Variants in SPDYE18 observed in about 807,000 individuals in gnomAD.
The protein encoded by SPDYE18 is speedy protein E18.
In SPDYE18, 6 loss-of-function variants were observed where a neutral mutation model predicts 44.9. The ratio of observed to expected loss-of-function variants is 0.13; its 90% CI spans 0.07 to 0.26. SPDYE18 has a LOEUF of 0.26. Among genes scored for constraint, SPDYE18 ranks in the 10% least tolerant of loss-of-function variants. The pLI is 1.00. For synonymous variants in SPDYE18, 35 were observed against 177.1 expected (o/e 0.20, Z 6.37); for missense variants, 121 against 463.2 (o/e 0.26, Z 6.78).
rs544270677 is a variant in SPDYE18, at chr7:77,053,075, A to C, written c.884T>G (p.Leu295Trp). 8 of 1,614,144 alleles carry C rather than the reference A, an allele frequency of 5.0e-6. No homozygotes were observed. Among genetic ancestry groups the C allele is most frequent in the Non-Finnish European group, 6.8e-6 (8 of 1,180,062 alleles). The change falls in exon 7 of 9, where the codon TTG (leucine) becomes TGG (tryptophan). Residue 295 changes from leucine to tryptophan, a missense_variant. Leu to Trp is a moderately conservative substitution (Grantham distance 61, BLOSUM62 -2). Transcript: ENST00000510091. ...GCGGTTCTTCCTGGCCCTCGGGTTC[A>C]AGCAACGGCATAACTGGAACCGACG... ...RNRRFQLCRC[L>W]NPRARKNRSQ...
chr7:77,060,466 C>G lies in SPDYE18; in HGVS notation c.47G>C (p.Gly16Ala). The G allele has an allele frequency of 6.5e-7, 1 of 1,535,224 alleles. No homozygotes were observed. Among genetic ancestry groups the G allele is most frequent in the South Asian group, 1.2e-5 (1 of 83,954 alleles). The change falls in exon 2 of 9, where the codon GGA becomes GCA. Residue 16 changes from glycine to alanine, a missense_variant. Gly to Ala is a moderately conservative substitution (Grantham distance 60). Transcript: ENST00000510091. The stretch of plus-strand genomic sequence containing the variant: ...CGGTTGACGGCTGGTCGTGATCTTT[C>G]CCGTAATCTGTCCCCTCTTACGGAA... Reference protein sequence around the residue: ...TRFRKRGQITGKITTSRQPHP... With the variant: ...TRFRKRGQITAKITTSRQPHP...
In SPDYE18 at chr7:77,051,454, G is replaced by A. The variant is rs934400312; in HGVS notation, c.*471C>T. 1.3e-5 allele frequency among the ~76,000 whole-genome samples: 2 copies of A among 152,282 alleles called. No individual in the cohort carries two copies. Among genetic ancestry groups the A allele is most frequent in the Non-Finnish European group, 2.9e-5 (2 of 68,050 alleles). ...ATGCAGAGTGTGCATGAAGCTATCT[G>A]TTACAATCTGTGGCACTGATATTTC... On this transcript the variant is annotated 3_prime_UTR_variant, in exon 9 of 9. Transcript: ENST00000510091.
chr7:77,061,073 T>C, intron 1 of SPDYE18, among the ~76,000 whole-genome samples, 140 bp from the exon 2 acceptor site: 1 of 100,796 alleles, frequency 9.9e-6, no homozygotes, highest in Admixed American at 1.1e-4. Flanking sequence ...AGTGAGATTA[T>C]CATGTACAAG....
intron 6 of SPDYE18, among the ~76,000 whole-genome samples, chr7:77,054,308 C>T (rs1583975035): frequency 1.3e-5 from 2 of 148,320 alleles, no homozygotes; most frequent in African/African-American, 2.5e-5. Context: ...GCAGTGAAGC[C>T]GAGCCAGGAA....
Position 77,060,408 on chromosome 7 carries a change from G to A in SPDYE18, c.105C>T (p.Ser35=). 6.5e-6 allele frequency: 10 copies of A among 1,535,562 alleles called. No homozygotes were observed. Among genetic ancestry groups the A allele is most frequent in the Non-Finnish European group, 8.7e-6 (10 of 1,146,916 alleles). The change falls in exon 2 of 9, where the codon AGC becomes AGT. Residue 35 remains serine (S), a synonymous_variant. Coordinates refer to ENST00000510091, the MANE Select transcript of SPDYE18 (RefSeq NM_001394953.1). Reference sequence around the variant, plus strand: ...CCTCCTGGAGGGGGTACCCCGAGGTGCTCCGCTGGAGACTCTGCTCATTCT... The same window carrying A: ...CCTCCTGGAGGGGGTACCCCGAGGTACTCCGCTGGAGACTCTGCTCATTCT... ...HPQNEQSLQR[S]TSGYPLQEVV...
At chr7:77,052,213 T>G (rs1207702305) in intron 8 of SPDYE18, among the ~76,000 whole-genome samples, 20 of 149,856 alleles carry the variant, frequency 1.3e-4, no homozygotes, top group Non-Finnish European at 4.4e-5. Context: ...TTGTGTCACT[T>G]AAGATCTAAA....
chr7:77,054,562 C>T (rs1465243584), intron 6 of SPDYE18, among the ~76,000 whole-genome samples: 2 of 151,918 alleles, frequency 1.3e-5, no homozygotes, highest in African/African-American at 4.8e-5. Context: ...GAACTGTGGC[C>T]TCTGTCATGG....
intron 8 of SPDYE18, among the ~76,000 whole-genome samples, chr7:77,052,142 G>T (rs374211346): frequency 0.011 from 1,497 of 137,408 alleles, 1 homozygote; most frequent in African/African-American, 0.041. Flanking sequence ...GGGTGGGTCT[G>T]CCCAGGGAGT....
At chr7:77,057,212 T>TC (rs1789938825) in intron 4 of SPDYE18, among the ~76,000 whole-genome samples, 1 of 152,258 alleles carries the variant, frequency 6.6e-6, no homozygotes. Context: ...TGTCTCAGCC[T>TC]CCCGAGTAGC....
rs1427282745 is a variant in SPDYE18, at chr7:77,053,170, C to T, written c.789G>A (p.Glu263=). 1.1e-5 allele frequency: 17 copies of T among 1,613,726 alleles called. No homozygotes were observed. The highest frequency in any genetic ancestry group is 2.2e-5 in the South Asian group (2 of 91,076). The change falls in exon 7 of 9, where the codon GAG becomes GAA. Residue 263 remains glutamate, a synonymous_variant. Coordinates refer to ENST00000510091, the MANE Select transcript of SPDYE18 (RefSeq NM_001394953.1). The stretch of plus-strand genomic sequence containing the variant: ...AGTAGAAGATGTTTTGTTTGGGGTC[C>T]TCGTCGTCCTCCTCCATGTCATTGG... ...YLANDMEEDD[E]DPKQNIFYFL... is the part of the protein sequence containing the mutation.
intron 2 of SPDYE18, 23 bp downstream of exon 2, chr7:77,060,330 T>A: frequency 2.6e-6 from 4 of 1,535,034 alleles, no homozygotes; most frequent in Non-Finnish European, 2.6e-6. Flanking sequence ...CTATCCCACC[T>A]CTTCTTCCAC....
intron 6 of SPDYE18, among the ~76,000 whole-genome samples, chr7:77,053,504 A>G (rs1421648137): frequency 6.6e-6 from 1 of 152,264 alleles, no homozygotes; most frequent in African/African-American, 2.4e-5. Context: ...GGAGTTTGAG[A>G]CGGGCCTGGG....
At chr7:77,059,979 C>T (rs1269434820) in intron 2 of SPDYE18, among the ~76,000 whole-genome samples, 18 of 149,702 alleles carry the variant, frequency 1.2e-4, no homozygotes, top group African/African-American at 3.7e-4. Flanking sequence ...CACACACCCT[C>T]CTCAGGTTCT....
At chr7:77,054,904 A>C (rs1445862385) in intron 6 of SPDYE18, among the ~76,000 whole-genome samples, 1 of 152,050 alleles carries the variant, frequency 6.6e-6, no homozygotes, top group Non-Finnish European at 1.5e-5. Flanking sequence ...AGTAGCTGGG[A>C]TTACAGATGC....
Position 77,051,877 on chromosome 7 carries a change from G to T in SPDYE18, c.*48C>A, listed in dbSNP as rs1358726359. ...AATCCACATCTCCCCTGGGTCCGGT[G>T]TTCTGGAAGTGAGAGAGACAATGTC... On this transcript the variant is annotated splice_region_variant and 3_prime_UTR_variant, in exon 9 of 9. Transcript: ENST00000510091. Among the ~76,000 whole-genome samples the T allele has an allele frequency of 6.6e-6, 1 of 151,360 alleles. No homozygotes were observed. Among genetic ancestry groups the T allele is most frequent in the African/African-American group, 2.4e-5 (1 of 41,358 alleles).
At chr7:77,052,195 G>T (rs1472807462) in intron 8 of SPDYE18, among the ~76,000 whole-genome samples, 1 of 148,186 alleles carries the variant, frequency 6.7e-6, no homozygotes, top group East Asian at 2.2e-4. Flanking sequence ...CATCATAGCT[G>T]GGGCCTTTTG....
intron 4 of SPDYE18, among the ~76,000 whole-genome samples, 184 bp from the exon 5 acceptor site, chr7:77,056,792 C>T (rs1221259915): frequency 6.7e-6 from 1 of 148,816 alleles, no homozygotes; most frequent in Non-Finnish European, 1.5e-5. Flanking sequence ...CTCTGAGACT[C>T]CCCTGAGAAG....
chr7:77,058,501 CT>C lies in SPDYE18; in HGVS notation c.380-635del, dbSNP rs1158671945. Among the ~76,000 whole-genome samples, 306 of 56,104 alleles carry C rather than the reference CT, an allele frequency of 5.5e-3. 1 individual carries two copies. Among genetic ancestry groups the C allele is most frequent in the East Asian group, 0.024 (38 of 1,562 alleles). The allele number at this position is 56,104 out of a possible 152,430, so 36.8% of individuals were successfully genotyped here. On this transcript the variant is annotated intron_variant, in intron 3 of 8. Coordinates refer to ENST00000510091, the MANE Select transcript of SPDYE18 (RefSeq NM_001394953.1). ...CTGACTTCTGGGCCCTTCCTTCCTT[CT>C]TTTTTTTTTTTTTTTTTTTTTTGAG... is the stretch of plus-strand genomic sequence containing the variant.
chr7:77,053,512 G>A (rs1789853445), intron 6 of SPDYE18, among the ~76,000 whole-genome samples: 1 of 152,264 alleles, frequency 6.6e-6, no homozygotes, highest in Admixed American at 6.5e-5. Flanking sequence ...AGACGGGCCT[G>A]GGCAACATAG....
Sources: allele counts gnomAD v4.1 joint callset (sites outside exome capture counted in the v4.1 genomes callset), GRCh38; gene constraint gnomAD v4.1.1; transcripts MANE v1.5; gene names NCBI Gene and HGNC (gene_info 2026-07-23, HGNC 2026-07-21).